The following BNC2 variants were observed in gnomAD, a reference collection of about 807,000 sequenced individuals.
BNC2 encodes the protein basonuclin zinc finger protein 2.
In BNC2, 20 loss-of-function variants were observed where a neutral mutation model predicts 76.3. The ratio of observed to expected loss-of-function variants is 0.26; its 90% confidence interval spans 0.18 to 0.38. BNC2 has a LOEUF of 0.38. BNC2 is among the 10% of genes least tolerant of loss of function. BNC2 has a pLI of 1.00. For missense variants in BNC2, 1,382 were observed against 1,399.8 expected, an observed-to-expected ratio of 0.99 and a Z score of 0.20; for synonymous variants, 582 against 514.8, an observed-to-expected ratio of 1.13 and a Z score of -1.77.
chr9:16,580,632 T>G (rs1011162442), intron 4 of BNC2, among the ~76,000 whole-genome samples: 1 of 152,138 alleles, frequency 6.6e-6, no homozygotes, highest in African/African-American at 2.4e-5. Context: ...ACATGGACAT[T>G]AAATAGATAA....
chr9:16,561,299 T>A (rs7847768), intron 4 of BNC2, among the ~76,000 whole-genome samples: 12,900 of 150,930 alleles, frequency 0.085, 1,211 homozygotes, highest in African/African-American at 0.22. Context: ...ATGACACATA[T>A]GCCCCCACTC....
intron 6 of BNC2, chr9:16,421,329 G>A (rs567216947): frequency 2.4e-6 from 3 of 1,231,870 alleles, no homozygotes; most frequent in South Asian, 1.3e-5. Context: ...AAGAATAAGA[G>A]ACAGAGAGAG....
At chr9:16,487,315 G>C (rs375515132) in intron 5 of BNC2, among the ~76,000 whole-genome samples, 3 of 152,308 alleles carry the variant, frequency 2.0e-5, no homozygotes, top group African/African-American at 7.2e-5. Context: ...AGGACATGGA[G>C]TGTTACTCTC....
chr9:16,666,512 T>G (rs997704162), intron 3 of BNC2, among the ~76,000 whole-genome samples: 4 of 152,152 alleles, frequency 2.6e-5, no homozygotes, highest in African/African-American at 9.7e-5. Flanking sequence ...ACCAACACTA[T>G]CAATTCTCTA....
intron 3 of BNC2, among the ~76,000 whole-genome samples, chr9:16,588,465 T>C (rs557584526): frequency 1.3e-5 from 2 of 152,290 alleles, no homozygotes; most frequent in African/African-American, 4.8e-5. Context: ...GAAACGTTTA[T>C]GTGTTTTACA....
At chr9:16,719,610 T>C (rs1021441228) in intron 3 of BNC2, among the ~76,000 whole-genome samples, 9 of 152,192 alleles carry the variant, frequency 5.9e-5, no homozygotes, top group African/African-American at 2.2e-4. Context: ...CAGGTAACAA[T>C]ATTGAAAGCT....
chr9:16,869,438 C>T (rs149920180), intron 1 of BNC2, among the ~76,000 whole-genome samples: 217 of 152,230 alleles, frequency 1.4e-3, no homozygotes, highest in African/African-American at 4.9e-3. Flanking sequence ...TGTGTACGCG[C>T]CCCTGCATTT....
Position 16,418,937 on chromosome 9 carries a change from A to G in BNC2, c.*52T>C. On this transcript the variant is annotated 3_prime_UTR_variant, in exon 7 of 7. Transcript: ENST00000380672. ...AAGCGCACACTGACTATGGCAGTTC[A>G]AACACGTAGGCCATCTGGTGAGAGC... The G allele has an allele frequency of 6.2e-7, 1 of 1,601,112 alleles. No homozygotes were observed. Among genetic ancestry groups the G allele is most frequent in the Non-Finnish European group, 8.6e-7 (1 of 1,168,718 alleles).
chr9:16,410,600 A>G lies in BNC2; in HGVS notation c.*8389T>C, dbSNP rs1820439239. The G allele has an allele frequency of 6.6e-6, 1 of 152,584 alleles. No individual in the cohort carries two copies. The allele number at this position is 152,584 out of a possible 1,614,324, so 9.5% of individuals were successfully genotyped here. ...TTAAGATATAATACTAGAACATCTC[A>G]TTCACTTAATTCACGTTATGCAAAC... On this transcript the variant is annotated 3_prime_UTR_variant, in exon 7 of 7. Coordinates refer to ENST00000380672, the MANE Select transcript of BNC2 (RefSeq NM_017637.6).
intron 3 of BNC2, among the ~76,000 whole-genome samples, chr9:16,589,130 C>T (rs1324834789): frequency 6.6e-6 from 1 of 152,154 alleles, no homozygotes; most frequent in African/African-American, 2.4e-5. Context: ...TCACAAGGAG[C>T]TCCCTTCATG....
intron 3 of BNC2, among the ~76,000 whole-genome samples, chr9:16,656,446 GA>G: frequency 6.6e-6 from 1 of 152,248 alleles, no homozygotes; most frequent in Middle Eastern, 3.4e-3. Context: ...ACAGCCTCAA[GA>G]ATGTTGAAAG....
At chr9:16,686,274 T>C (rs1221522284) in intron 3 of BNC2, among the ~76,000 whole-genome samples, 4 of 152,150 alleles carry the variant, frequency 2.6e-5, no homozygotes, top group African/African-American at 9.7e-5. Flanking sequence ...AATGAATGTT[T>C]CTCTATATCT....
At chr9:16,717,808 T>A (rs371176468) in intron 3 of BNC2, among the ~76,000 whole-genome samples, 5 of 152,152 alleles carry the variant, frequency 3.3e-5, no homozygotes, top group African/African-American at 4.8e-5. Flanking sequence ...CATTCTGCAG[T>A]TGTAAAAAAA....
intron 1 of BNC2, among the ~76,000 whole-genome samples, chr9:16,848,223 C>A (rs550317437): frequency 6.6e-6 from 1 of 152,116 alleles, no homozygotes; most frequent in Admixed American, 6.5e-5. Context: ...AGAGAAGGCA[C>A]CAAAAAAAGG....
intron 1 of BNC2, among the ~76,000 whole-genome samples, chr9:16,817,665 T>C (rs1003430804): frequency 5.9e-5 from 9 of 152,164 alleles, no homozygotes; most frequent in Non-Finnish European, 1.0e-4. Flanking sequence ...CAGAGTATGG[T>C]TTAACGTGCC....
rs200612050 is a variant in BNC2, at chr9:16,640,092, C to CAA, written c.331-57009_331-57008dup. ...CGTAGTAATACAAATCTCTTCTTCACAAAAAAAAAAATAGAGACTAGCAAA... is the reference window on the plus strand; with the variant it reads ...CGTAGTAATACAAATCTCTTCTTCACAAAAAAAAAAAAATAGAGACTAGCAAA... On this transcript the variant is annotated intron_variant, in intron 3 of 6. Transcript: ENST00000380672. Among the ~76,000 whole-genome samples, 24 of 143,182 alleles carry CAA rather than the reference C, an allele frequency of 1.7e-4. No homozygotes were observed. The East Asian group carries it at 2.0e-3, about 12-fold the overall frequency. The allele number at this position is 143,182 out of a possible 152,430, so 93.9% of individuals were successfully genotyped here.
At chr9:16,659,192 G>A (rs1381434256) in intron 3 of BNC2, among the ~76,000 whole-genome samples, 3 of 152,178 alleles carry the variant, frequency 2.0e-5, no homozygotes, top group Non-Finnish European at 4.4e-5. Context: ...ACTTAATGCA[G>A]AGGGCCCTGA....
At chr9:16,818,058 G>T in intron 1 of BNC2, among the ~76,000 whole-genome samples, 1 of 152,132 alleles carries the variant, frequency 6.6e-6, no homozygotes. Context: ...AATACAATGT[G>T]AAATTGCAAG....
intron 3 of BNC2, among the ~76,000 whole-genome samples, chr9:16,718,653 A>C (rs1190936799): frequency 1.3e-5 from 2 of 152,192 alleles, no homozygotes; most frequent in African/African-American, 4.8e-5. Flanking sequence ...TTTTCCAATG[A>C]ATGACACTGA....
Sources: allele counts gnomAD v4.1 joint callset (sites outside exome capture counted in the v4.1 genomes callset), GRCh38; gene constraint gnomAD v4.1.1; transcripts MANE v1.5; gene names NCBI Gene and HGNC (gene_info 2026-07-23, HGNC 2026-07-21).